DEPDC1B: variants seen among roughly 807,000 people sequenced by gnomAD.
The protein encoded by DEPDC1B is DEP domain-containing protein 1B.
A neutral mutation model predicts 66.5 loss-of-function variants in DEPDC1B; 51 were observed. The observed-to-expected ratio is 0.77, with a 90% CI of 0.61 to 0.97. The LOEUF (loss-of-function observed/expected upper bound fraction) is 0.97, where lower values mean the gene tolerates loss of function less well. Among genes scored for constraint, DEPDC1B ranks in the 50% least tolerant of loss-of-function variants. The pLI is 0.00. For synonymous variants in DEPDC1B, 226 were observed against 223.6 expected (o/e 1.01, Z -0.10); for missense variants, 552 against 637.1 (o/e 0.87, Z 1.44).
intron 6 of DEPDC1B, among the ~76,000 whole-genome samples, chr5:60,639,764 G>A (rs932595397): frequency 6.6e-6 from 1 of 152,192 alleles, no homozygotes; most frequent in South Asian, 2.1e-4. Context: ...GTACCTTGAG[G>A]AAAATAGCAA....
At chr5:60,651,827 T>C (rs1753464454) in intron 2 of DEPDC1B, among the ~76,000 whole-genome samples, 1 of 152,202 alleles carries the variant, frequency 6.6e-6, no homozygotes, top group South Asian at 2.1e-4. Context: ...ATAGGGAAAC[T>C]AGAAAAGGTG....
At chr5:60,643,799 T>C (rs1188660929) in intron 5 of DEPDC1B, among the ~76,000 whole-genome samples, 2 of 152,174 alleles carry the variant, frequency 1.3e-5, no homozygotes, top group Admixed American at 1.3e-4. Context: ...ACAAACTTAT[T>C]TGTCTCTCAT....
At chr5:60,658,145 G>A (rs372608265) in intron 2 of DEPDC1B, among the ~76,000 whole-genome samples, 5 of 152,228 alleles carry the variant, frequency 3.3e-5, no homozygotes, top group African/African-American at 1.2e-4. Flanking sequence ...CAGAAGTTGT[G>A]ATTGTTTTTT....
At chr5:60,604,218 CTTTT>C (rs869142199) in intron 8 of DEPDC1B, among the ~76,000 whole-genome samples, 18 of 68,954 alleles carry the variant, frequency 2.6e-4, no homozygotes, top group Middle Eastern at 0.012. Flanking sequence ...ATTAACTATT[CTTTT>C]TTTTTTTTTT....
At chr5:60,692,144 AG>A (rs995379588) in intron 1 of DEPDC1B, among the ~76,000 whole-genome samples, 1 of 152,216 alleles carries the variant, frequency 6.6e-6, no homozygotes, top group Admixed American at 6.5e-5. Context: ...TTGAGTTCAA[AG>A]AGGCAAAAAG....
chr5:60,686,315 C>T lies in DEPDC1B; in HGVS notation c.314+647G>A, dbSNP rs531828298. 4.6e-5 allele frequency among the ~76,000 whole-genome samples: 7 copies of T among 152,268 alleles called. No homozygotes were observed. The South Asian group carries it at 1.2e-3, about 27-fold the overall frequency. On this transcript the variant is annotated intron_variant, in intron 2 of 10. Transcript: ENST00000265036. ...GACTTCATTCCTCTTTAGTCTTCTC[C>T]CACACCTGATCTGAGGTTGCTCTCC...
intron 2 of DEPDC1B, among the ~76,000 whole-genome samples, chr5:60,677,326 A>ACACACACTCT (rs770640655): frequency 3.6e-4 from 39 of 108,552 alleles, no homozygotes; most frequent in East Asian, 1.3e-3. Context: ...ACACACACAC[A>ACACACACTCT]CTCTCTCTCT....
chr5:60,638,674 G>T, intron 7 of DEPDC1B, 76 bp downstream of exon 7: 1 of 1,442,622 alleles, frequency 6.9e-7, no homozygotes, highest in Non-Finnish European at 9.3e-7. Context: ...TTGGCTAATG[G>T]AAGTCTCAAA....
At chr5:60,639,479 T>C (rs1753136600) in intron 6 of DEPDC1B, among the ~76,000 whole-genome samples, 1 of 152,220 alleles carries the variant, frequency 6.6e-6, no homozygotes, top group Non-Finnish European at 1.5e-5. Flanking sequence ...TAATTCACTC[T>C]GATTATAAAC....
chr5:60,659,332 C>T (rs1018806096), intron 2 of DEPDC1B, among the ~76,000 whole-genome samples: 1 of 152,160 alleles, frequency 6.6e-6, no homozygotes, highest in African/African-American at 2.4e-5. Flanking sequence ...TAATATCGGA[C>T]CACTTTCGCT....
intron 2 of DEPDC1B, among the ~76,000 whole-genome samples, chr5:60,679,813 A>T (rs1040615927): frequency 9.2e-5 from 14 of 152,230 alleles, no homozygotes; most frequent in African/African-American, 3.1e-4. Context: ...ATAATCCAAA[A>T]CAATTATCAT....
chr5:60,612,528 C>CAAAAAA (rs35196065), intron 7 of DEPDC1B, among the ~76,000 whole-genome samples: 26 of 90,140 alleles, frequency 2.9e-4, no homozygotes, highest in East Asian at 9.4e-4. Context: ...GAGATCTGCT[C>CAAAAAA]AAAAAAAAAA....
intron 7 of DEPDC1B, among the ~76,000 whole-genome samples, chr5:60,609,471 T>C (rs1005649398): frequency 6.6e-6 from 1 of 152,186 alleles, no homozygotes; most frequent in Non-Finnish European, 1.5e-5. Context: ...ATCAGTATCT[T>C]TAATGGAAGC....
At chr5:60,653,010 T>C (rs1187576805) in intron 2 of DEPDC1B, among the ~76,000 whole-genome samples, 4 of 149,382 alleles carry the variant, frequency 2.7e-5, no homozygotes, top group African/African-American at 1.0e-4. Context: ...CACTCATTGA[T>C]TAATGGGCAT....
intron 2 of DEPDC1B, among the ~76,000 whole-genome samples, chr5:60,682,205 G>A (rs921441890): frequency 5.3e-5 from 8 of 152,192 alleles, no homozygotes; most frequent in Non-Finnish European, 1.0e-4. Context: ...ATGAGTTCAT[G>A]TCCTTTGTAG....
In DEPDC1B at chr5:60,599,283, G is replaced by T. The variant is rs1403799747; in HGVS notation, c.1243-23C>A. 3.3e-6 allele frequency: 5 copies of T among 1,535,724 alleles called. No homozygotes were observed. The African/African-American group carries it at 4.2e-5, about 13-fold the overall frequency. The stretch of plus-strand genomic sequence containing the variant: ...TATCTGAGGCAAAAGGATTAGTAGT[G>T]AAAGAATATAGCATATTTTCAAATA... On this transcript the variant is annotated intron_variant, in intron 9 of 10. Transcript: ENST00000265036.
chr5:60,627,021 T>C (rs953405679), intron 7 of DEPDC1B, among the ~76,000 whole-genome samples: 1 of 152,126 alleles, frequency 6.6e-6, no homozygotes, highest in Non-Finnish European at 1.5e-5. Context: ...TCCAAGGATG[T>C]TAATTATTTT....
intron 2 of DEPDC1B, among the ~76,000 whole-genome samples, chr5:60,657,480 T>A (rs372723029): frequency 3.7e-4 from 57 of 152,366 alleles, no homozygotes; most frequent in African/African-American, 1.3e-3. Flanking sequence ...GCAGTTCTTA[T>A]AGTAGCTTGG....
At chr5:60,673,328 G>C (rs1457147487) in intron 2 of DEPDC1B, among the ~76,000 whole-genome samples, 2 of 152,148 alleles carry the variant, frequency 1.3e-5, no homozygotes, top group African/African-American at 4.8e-5. Flanking sequence ...ACTATAGATA[G>C]GGGCATGCAT....
Sources: gnomAD v4.1 joint callset for allele counts (sites outside exome capture counted in the v4.1 genomes callset) on GRCh38, gnomAD v4.1.1 for gene constraint, MANE v1.5 for transcripts, NCBI Gene and HGNC (gene_info 2026-07-23, HGNC 2026-07-21) for gene names.